SORCS3: variants seen among roughly 807,000 people sequenced by gnomAD.
The protein encoded by SORCS3 is VPS10 domain-containing receptor SorCS3.
In SORCS3, 57 loss-of-function variants were observed where a neutral mutation model predicts 146.3. That is an observed-to-expected ratio of 0.39 (90% confidence interval 0.31 to 0.49). The LOEUF (loss-of-function observed/expected upper bound fraction) is 0.49. Ranked by LOEUF, SORCS3 falls within the 20% of genes least tolerant of loss-of-function variation. SORCS3 has a pLI of 0.92. For missense variants in SORCS3, 1,341 were observed against 1,575.5 expected, an observed-to-expected ratio of 0.85 and a Z score of 2.52; for synonymous variants, 653 against 618.5, an observed-to-expected ratio of 1.06 and a Z score of -0.83.
intron 4 of SORCS3, among the ~76,000 whole-genome samples, chr10:104,981,088 C>A (rs2054929234): frequency 6.6e-6 from 1 of 152,148 alleles, no homozygotes; most frequent in African/African-American, 2.4e-5. Context: ...CATACCTCTG[C>A]AATCCTGATG....
intron 1 of SORCS3, among the ~76,000 whole-genome samples, chr10:104,828,099 T>C (rs1025151070): frequency 6.6e-6 from 1 of 152,192 alleles, no homozygotes; most frequent in African/African-American, 2.4e-5. Flanking sequence ...ACGTGTATGT[T>C]CACTGGAATA....
rs1307608139 is a variant in SORCS3 at position 104,858,663 on chromosome 10, C to T, written c.695+15804C>T. On this transcript the variant is annotated intron_variant, in intron 2 of 26. Transcript: ENST00000369701. ...TTGAGACGGAGTCTCGCTCTGTCGCCCAGGCTGGAGTGCAATGGTGTGATC... is the reference window on the plus strand; with the variant it reads ...TTGAGACGGAGTCTCGCTCTGTCGCTCAGGCTGGAGTGCAATGGTGTGATC... Among the ~76,000 whole-genome samples, 3 of 151,176 alleles carry T rather than the reference C, an allele frequency of 2.0e-5. No homozygotes were observed. The East Asian group carries it at 5.8e-4, about 29-fold the overall frequency.
chr10:104,729,459 A>T (rs1024318184), intron 1 of SORCS3, among the ~76,000 whole-genome samples: 16 of 152,210 alleles, frequency 1.1e-4, no homozygotes, highest in African/African-American at 3.9e-4. Context: ...TCAATGACAA[A>T]GAAAGAAATA....
Position 105,147,745 on chromosome 10 carries a change from C to T in SORCS3, c.1431C>T (p.Asn477=). The T allele has an allele frequency of 6.2e-7, 1 of 1,613,024 alleles. No individual in the cohort carries two copies. The highest frequency in any genetic ancestry group is 8.5e-7 in the Non-Finnish European group (1 of 1,179,284). The change falls in exon 9 of 27, where the codon AAC becomes AAT. Residue 477 remains asparagine, a synonymous_variant. Transcript: ENST00000369701. ...TTTACTTCACTCTGGCCATGGAGAA[C>T]ATCAAGAGCAGCAGAGGTCTAATGG... ...RGIYFTLAME[N]IKSSRGLMGN... is the part of the protein sequence containing the mutation.
intron 1 of SORCS3, among the ~76,000 whole-genome samples, chr10:104,698,856 T>G (rs1296843684): frequency 1.3e-5 from 2 of 152,070 alleles, no homozygotes; most frequent in Non-Finnish European, 2.9e-5. Flanking sequence ...TTGGGGAAAG[T>G]AGGGTCACTG....
Position 104,905,221 on chromosome 10 carries a change from A to G in SORCS3, c.696-10612A>G, listed in dbSNP as rs571897071. Among the ~76,000 whole-genome samples, 12 of 152,320 alleles carry G rather than the reference A, an allele frequency of 7.9e-5. No homozygotes were observed. The South Asian group carries it at 1.0e-3, about 13-fold the overall frequency. ...AATCACTCCATAATTTTTACAAAGGAAGAGATAAATGAAGTTTTAGGTTTC... is the reference window on the plus strand; with the variant it reads ...AATCACTCCATAATTTTTACAAAGGGAGAGATAAATGAAGTTTTAGGTTTC... On this transcript the variant is annotated intron_variant, in intron 2 of 26. Coordinates refer to ENST00000369701, the MANE Select transcript of SORCS3 (RefSeq NM_014978.3).
chr10:104,665,298 A>G (rs926567270), intron 1 of SORCS3, among the ~76,000 whole-genome samples: 1 of 152,204 alleles, frequency 6.6e-6, no homozygotes, highest in Non-Finnish European at 1.5e-5. Context: ...ACTGCTGTGG[A>G]CTGTGCTTGC....
intron 13 of SORCS3, among the ~76,000 whole-genome samples, chr10:105,170,957 T>C (rs2056354453): frequency 6.6e-6 from 1 of 152,134 alleles, no homozygotes; most frequent in Non-Finnish European, 1.5e-5. Context: ...CAAAGCTCAT[T>C]TTAAGAGGAA....
At chr10:104,877,757 T>A (rs2133573102) in intron 2 of SORCS3, among the ~76,000 whole-genome samples, 1 of 152,140 alleles carries the variant, frequency 6.6e-6, no homozygotes, top group Middle Eastern at 3.4e-3. Flanking sequence ...TGAGAAGGAG[T>A]CAGATACCAC....
intron 11 of SORCS3, among the ~76,000 whole-genome samples, chr10:105,162,128 C>G (rs1232830712): frequency 6.6e-6 from 1 of 152,178 alleles, no homozygotes; most frequent in Admixed American, 6.5e-5. Context: ...GTAGCTAGCC[C>G]TCAGAGGACT....
intron 5 of SORCS3, among the ~76,000 whole-genome samples, chr10:105,060,942 CA>C (rs143519909): frequency 0.42 from 57,582 of 136,286 alleles, 12,277 homozygotes; most frequent in East Asian, 0.68. Context: ...CGTCTTAAAA[CA>C]AAAAAAAAAA....
chr10:104,741,150 T>TTTTTTG (rs1298462601), intron 1 of SORCS3, among the ~76,000 whole-genome samples: 2 of 149,724 alleles, frequency 1.3e-5, no homozygotes, highest in Non-Finnish European at 3.0e-5. Flanking sequence ...TTTTTTTTTT[T>TTTTTTG]TTTTTTGCCA....
intron 2 of SORCS3, among the ~76,000 whole-genome samples, chr10:104,896,008 C>T (rs1003325656): frequency 2.0e-5 from 3 of 152,176 alleles, no homozygotes; most frequent in Admixed American, 2.0e-4. Flanking sequence ...TAATGTCTCC[C>T]TTTATATACA....
intron 1 of SORCS3, among the ~76,000 whole-genome samples, chr10:104,714,871 G>A (rs2016458352): frequency 1.3e-5 from 2 of 152,090 alleles, no homozygotes; most frequent in Admixed American, 1.3e-4. Flanking sequence ...GTTAAATGAG[G>A]GTAACTTTCA....
chr10:105,120,222 G>A (rs2055921987), intron 7 of SORCS3, among the ~76,000 whole-genome samples: 1 of 152,074 alleles, frequency 6.6e-6, no homozygotes, highest in Non-Finnish European at 1.5e-5. Context: ...CTGTGAAGAA[G>A]GTGCTGTTCC....
intron 13 of SORCS3, among the ~76,000 whole-genome samples, chr10:105,170,283 A>T (rs1204896093): frequency 6.6e-6 from 1 of 152,128 alleles, no homozygotes; most frequent in Non-Finnish European, 1.5e-5. Flanking sequence ...AGTTGGGAAA[A>T]TTACTCAATA....
At position 105,244,388 on chromosome 10, in the gene SORCS3, C is replaced by T. The variant is rs80170433; in HGVS notation, c.2869-1154C>T. Among the ~76,000 whole-genome samples the T allele has an allele frequency of 5.8e-3, 880 of 151,906 alleles. 9 individuals are homozygous for T. The highest frequency in any genetic ancestry group is 0.036 in the East Asian group (186 of 5,128). On this transcript the variant is annotated intron_variant, in intron 20 of 26. Transcript: ENST00000369701. ...AAGAAATACAGTCAGCCCTCCATAT[C>T]GTCAGGATCCACATCTGCAACCAAA...
chr10:105,160,379 C>G (rs1051660249), intron 11 of SORCS3, among the ~76,000 whole-genome samples: 2 of 152,166 alleles, frequency 1.3e-5, no homozygotes, highest in Non-Finnish European at 2.9e-5. Flanking sequence ...GTAATTCCAG[C>G]ATGTTGGGAG....
intron 14 of SORCS3, among the ~76,000 whole-genome samples, chr10:105,190,401 T>C (rs2056508794): frequency 6.6e-6 from 1 of 152,182 alleles, no homozygotes. Flanking sequence ...ATATTAGTAA[T>C]ATTAATTGTT....
Sources: gnomAD v4.1 joint callset for allele counts (sites outside exome capture counted in the v4.1 genomes callset) on GRCh38, gnomAD v4.1.1 for gene constraint, MANE v1.5 for transcripts, NCBI Gene and HGNC (gene_info 2026-07-23, HGNC 2026-07-21) for gene names.